The following ELSPBP1 variants were observed in gnomAD, a reference collection of about 807,000 sequenced individuals.
ELSPBP1 encodes the protein epididymal sperm binding protein 1.
ELSPBP1 carries 38 observed loss-of-function variants against 33.3 expected under a neutral mutation model. The observed-to-expected ratio is 1.14, with a 90% confidence interval of 0.88 to 1.50. The LOEUF (loss-of-function observed/expected upper bound fraction) is 1.50. ELSPBP1 is among the 40% of genes most tolerant of loss of function. The pLI is 0.00. For missense variants in ELSPBP1, 267 were observed against 263.5 expected (o/e 1.01, Z -0.09); for synonymous variants, 85 against 94.1 (o/e 0.90, Z 0.56).
chr19:48,000,033 A>T (rs896149815), intron 1 of ELSPBP1, among the ~76,000 whole-genome samples: 1 of 149,184 alleles, frequency 6.7e-6, no homozygotes, highest in African/African-American at 2.5e-5. Context: ...ACTACGTTGC[A>T]CAAGCTGGTC....
intron 3 of ELSPBP1, 45 bp downstream of exon 3, chr19:48,014,353 T>G (rs1441223194): frequency 6.3e-7 from 1 of 1,593,266 alleles, no homozygotes; most frequent in Non-Finnish European, 8.5e-7. Context: ...TTGAATAGGG[T>G]GGATCACAAA....
chr19:47,998,691 G>A (rs1409462148), intron 1 of ELSPBP1, among the ~76,000 whole-genome samples: 2 of 151,552 alleles, frequency 1.3e-5, no homozygotes, highest in African/African-American at 2.4e-5. Flanking sequence ...GGAGGCTGAG[G>A]CAGGAGAATG....
chr19:48,004,282 G>A (rs1304103471), intron 1 of ELSPBP1, among the ~76,000 whole-genome samples: 1 of 151,816 alleles, frequency 6.6e-6, no homozygotes, highest in Non-Finnish European at 1.5e-5. Flanking sequence ...GCTCTACAGG[G>A]TCCGGTCCCA....
chr19:48,009,844 A>G (rs1414647552), intron 2 of ELSPBP1, among the ~76,000 whole-genome samples: 1 of 152,068 alleles, frequency 6.6e-6, no homozygotes, highest in African/African-American at 2.4e-5. Flanking sequence ...TCAGGAAACA[A>G]TGCTCCACAT....
intron 1 of ELSPBP1, among the ~76,000 whole-genome samples, chr19:48,002,318 T>G (rs1313300155): frequency 6.6e-6 from 1 of 152,194 alleles, no homozygotes; most frequent in African/African-American, 2.4e-5. Flanking sequence ...CCAAAAATTA[T>G]TCATTTGAAT....
At chr19:47,996,820 A>C (rs866144944) in intron 1 of ELSPBP1, among the ~76,000 whole-genome samples, 1 of 152,194 alleles carries the variant, frequency 6.6e-6, no homozygotes, top group African/African-American at 2.4e-5. Flanking sequence ...AAAGAAGAGA[A>C]TTAGAACATT....
intron 6 of ELSPBP1, among the ~76,000 whole-genome samples, chr19:48,023,341 GGAGGAAGGAAAGAAGGA>G: frequency 7.4e-6 from 1 of 135,478 alleles, no homozygotes; most frequent in Non-Finnish European, 1.6e-5. Context: ...AGGAAGGGAG[GGAGGAAGGAAAGAAGGA>G]AGGGAGGAAG....
At chr19:48,019,248 G>A (rs1349253440) in intron 4 of ELSPBP1, among the ~76,000 whole-genome samples, 2 of 152,158 alleles carry the variant, frequency 1.3e-5, no homozygotes, top group Non-Finnish European at 2.9e-5. Context: ...TTCAATGGGG[G>A]ATGTGATTTG....
chr19:48,002,784 T>G (rs1028867731), intron 1 of ELSPBP1, among the ~76,000 whole-genome samples: 4 of 126,410 alleles, frequency 3.2e-5, no homozygotes, highest in African/African-American at 1.2e-4. Context: ...AGAGCAAGAC[T>G]TCATCTCAAA....
chr19:48,001,889 G>A (rs1000836198), intron 1 of ELSPBP1, among the ~76,000 whole-genome samples: 1 of 151,838 alleles, frequency 6.6e-6, no homozygotes, highest in African/African-American at 2.4e-5. Context: ...TAGATACGAG[G>A]TCTCACTATG....
In ELSPBP1 at chr19:48,005,702, G is replaced by A. The variant is rs536330982; in HGVS notation, c.-17-2949G>A. Reference sequence around the variant, plus strand: ...ATTTATGAGTTCTTAGCACATGTCCGGTCCCATGTTAAGCCTAGAGGCAGC... The same window carrying A: ...ATTTATGAGTTCTTAGCACATGTCCAGTCCCATGTTAAGCCTAGAGGCAGC... On this transcript the variant is annotated intron_variant, in intron 1 of 6. Transcript: ENST00000339841. 1.4e-4 allele frequency among the ~76,000 whole-genome samples: 22 copies of A among 152,174 alleles called. No homozygotes were observed. The East Asian group carries it at 3.1e-3, about 21-fold the overall frequency.
chr19:48,011,560 A>G lies in ELSPBP1; in HGVS notation c.71-2611A>G, dbSNP rs1439936888. The stretch of plus-strand genomic sequence containing the variant: ...AATGATGACAATGATGATGATGACA[A>G]TGATGATCATCATCACATGATAATG... On this transcript the variant is annotated intron_variant, in intron 2 of 6. Coordinates refer to ENST00000339841, the MANE Select transcript of ELSPBP1 (RefSeq NM_022142.5). This position sits in a 1 kb window ranked among gnomAD's most constrained non-coding sequence, Gnocchi z 4.5. 1.3e-5 allele frequency among the ~76,000 whole-genome samples: 2 copies of G among 151,892 alleles called. No individual in the cohort carries two copies. Among genetic ancestry groups the G allele is most frequent in the Non-Finnish European group, 2.9e-5 (2 of 67,962 alleles).
chr19:48,000,885 G>C (rs753554100), intron 1 of ELSPBP1, among the ~76,000 whole-genome samples: 2 of 152,198 alleles, frequency 1.3e-5, no homozygotes, highest in African/African-American at 4.8e-5. Context: ...TCAGCCCCCT[G>C]TGTGTGCATT....
chr19:48,022,334 G>C lies in ELSPBP1; in HGVS notation c.*7G>C. On this transcript the variant is annotated splice_region_variant and 3_prime_UTR_variant, in exon 6 of 7. Coordinates refer to ENST00000339841, the MANE Select transcript of ELSPBP1 (RefSeq NM_022142.5). ...CACCTGGGTGTATTGCTGATGCTGA[G>C]GTGAGAGCAGGGACCAACAGTGGTC... is the stretch of plus-strand genomic sequence containing the variant. 1 of 1,606,944 alleles carries C rather than the reference G, an allele frequency of 6.2e-7. No individual in the cohort carries two copies. Among genetic ancestry groups the C allele is most frequent in the Non-Finnish European group, 8.5e-7 (1 of 1,176,950 alleles).
chr19:48,019,084 G>A (rs184477888), intron 4 of ELSPBP1, among the ~76,000 whole-genome samples: 27 of 152,198 alleles, frequency 1.8e-4, no homozygotes, highest in Admixed American at 7.8e-4. Flanking sequence ...AACCCGGGAA[G>A]TGGAGGTTGC....
chr19:48,023,944 C>T (rs1474106000), intron 6 of ELSPBP1, among the ~76,000 whole-genome samples: 3 of 151,708 alleles, frequency 2.0e-5, no homozygotes, highest in Admixed American at 2.0e-4. Context: ...AATCTCAGCT[C>T]ACTGCAGCCT....
At chr19:47,999,872 G>C (rs1392921715) in intron 1 of ELSPBP1, among the ~76,000 whole-genome samples, 2 of 151,124 alleles carry the variant, frequency 1.3e-5, no homozygotes, top group Admixed American at 6.6e-5. Flanking sequence ...ATTCAGGCTG[G>C]AGTGCAGTGG....
intron 1 of ELSPBP1, among the ~76,000 whole-genome samples, chr19:48,003,052 A>T (rs1445666126): frequency 6.6e-6 from 1 of 152,086 alleles, no homozygotes; most frequent in Non-Finnish European, 1.5e-5. Context: ...GCTGGTCCCA[A>T]CCACCCCGGG....
intron 2 of ELSPBP1, among the ~76,000 whole-genome samples, chr19:48,013,962 C>T (rs1967103372): frequency 6.6e-6 from 1 of 152,038 alleles, no homozygotes; most frequent in Non-Finnish European, 1.5e-5. Context: ...TTATCTCAGT[C>T]ATGAAGGCTC....
Sources: gnomAD v4.1 joint callset for allele counts (sites outside exome capture counted in the v4.1 genomes callset) on GRCh38, gnomAD v4.1.1 for gene constraint, Gnocchi (gnomAD v3.1) non-coding constraint, MANE v1.5 for transcripts, NCBI Gene and HGNC (gene_info 2026-07-23, HGNC 2026-07-21) for gene names.